Variants in PCDHGB5 observed in about 807,000 individuals in gnomAD.
PCDHGB5 encodes the protein protocadherin gamma subfamily B, 5.
In PCDHGB5, 48 loss-of-function variants were observed where a neutral mutation model predicts 62.9. That is an observed-to-expected ratio of 0.76 (90% CI 0.61 to 0.97). The LOEUF (loss-of-function observed/expected upper bound fraction) is 0.97. PCDHGB5 is among the 50% of genes least tolerant of loss of function. The pLI, the probability that PCDHGB5 is intolerant of heterozygous loss-of-function variation, is 0.00. For missense variants in PCDHGB5, 1,118 were observed against 1,198.6 expected, an observed-to-expected ratio of 0.93 and a Z score of 0.99; for synonymous variants, 474 against 511.2, an observed-to-expected ratio of 0.93 and a Z score of 0.98.
intron 1 of PCDHGB5, among the ~76,000 whole-genome samples, chr5:141,436,713 G>C (rs2097842329): frequency 6.6e-6 from 1 of 152,308 alleles, no homozygotes; most frequent in East Asian, 1.9e-4. Flanking sequence ...TCGATGTTCT[G>C]TTGGGAAAAA....
intron 1 of PCDHGB5, chr5:141,403,465 G>C (rs1268345736): frequency 6.2e-7 from 1 of 1,614,018 alleles, no homozygotes; most frequent in Non-Finnish European, 8.5e-7. Context: ...AGAGCTACCA[G>C]CTCAGCCCCA....
intron 2 of PCDHGB5, among the ~76,000 whole-genome samples, chr5:141,502,124 A>G (rs4912762): frequency 0.55 from 83,213 of 152,012 alleles, 23,486 homozygotes; most frequent in African/African-American, 0.67. Flanking sequence ...CCAGGCCCAC[A>G]GAGCTCAGTC....
chr5:141,434,820 G>A (rs953824837), intron 1 of PCDHGB5, among the ~76,000 whole-genome samples: 1 of 151,302 alleles, frequency 6.6e-6, no homozygotes, highest in Admixed American at 6.6e-5. Flanking sequence ...ATATCCCTTA[G>A]TACACTTGGC....
At chr5:141,418,740 TG>T in intron 1 of PCDHGB5, 1 of 1,613,972 alleles carries the variant, frequency 6.2e-7, no homozygotes, top group Non-Finnish European at 8.5e-7. Context: ...GTGTTCTCTC[TG>T]GATTACACTA....
At chr5:141,401,076 G>T (rs1589429931) in intron 1 of PCDHGB5, among the ~76,000 whole-genome samples, 1 of 152,174 alleles carries the variant, frequency 6.6e-6, no homozygotes, top group Non-Finnish European at 1.5e-5. Context: ...GGGTGCAGTG[G>T]CTCATGCCTG....
At chr5:141,410,319 C>A in intron 1 of PCDHGB5, 2 of 1,614,018 alleles carry the variant, frequency 1.2e-6, no homozygotes, top group Admixed American at 1.7e-5. Flanking sequence ...TTCCTCCTCG[C>A]CGTGATTCTG....
At chr5:141,463,784 T>G (rs2099069378) in intron 1 of PCDHGB5, among the ~76,000 whole-genome samples, 1 of 152,194 alleles carries the variant, frequency 6.6e-6, no homozygotes, top group South Asian at 2.1e-4. Context: ...CTGCACTGTC[T>G]TTTGAACAAA....
intron 1 of PCDHGB5, chr5:141,403,395 C>T (rs758295115): frequency 3.7e-6 from 6 of 1,614,084 alleles, no homozygotes; most frequent in Admixed American, 3.3e-5. Context: ...ATCGCGGTTC[C>T]TGGAGCACGT....
At chr5:141,420,458 CAA>C (rs1269245240) in intron 1 of PCDHGB5, 1 of 925,076 alleles carries the variant, frequency 1.1e-6, no homozygotes, top group Non-Finnish European at 1.5e-6. Context: ...TCCTACTATT[CAA>C]AGACATTTTA....
intron 1 of PCDHGB5, chr5:141,492,079 G>A (rs1400390407): frequency 4.1e-6 from 2 of 486,168 alleles, no homozygotes; most frequent in African/African-American, 2.0e-5. Context: ...CGCCGGCTCC[G>A]GCACGCTTCG....
chr5:141,415,853 G>GTAGTT, intron 1 of PCDHGB5: 1 of 1,186,350 alleles, frequency 8.4e-7, no homozygotes, highest in Non-Finnish European at 1.1e-6. Context: ...GCAGAACCTT[G>GTAGTT]TAGTTTATAG....
chr5:141,423,680 C>T (rs2096766182), intron 1 of PCDHGB5: 1 of 1,479,088 alleles, frequency 6.8e-7, no homozygotes, highest in African/African-American at 1.5e-5. Context: ...ATTTCTCTGC[C>T]TCCTAATTGT....
chr5:141,489,268 G>C lies in PCDHGB5; in HGVS notation c.2398-5539G>C. 6.4e-7 allele frequency: 1 copy of C among 1,553,286 alleles called. No individual in the cohort carries two copies. The highest frequency in any genetic ancestry group is 8.7e-7 in the Non-Finnish European group (1 of 1,149,780). ...GGGGCCCAAGACACTCCCACAGCTC[G>C]CTGGGAAATGGCAAGTGCTGTGCAT... On this transcript the variant is annotated intron_variant, in intron 1 of 3. Transcript: ENST00000617380. The surrounding 1 kb of genome is among the most constrained non-coding windows in gnomAD (Gnocchi z 4.5).
intron 1 of PCDHGB5, chr5:141,428,912 T>C (rs1010303812): frequency 6.6e-6 from 1 of 151,946 alleles, no homozygotes; most frequent in Non-Finnish European, 1.5e-5. Context: ...TGGAGTGCAG[T>C]GGCATGATCT....
chr5:141,410,450 T>G, intron 1 of PCDHGB5: 1 of 1,614,052 alleles, frequency 6.2e-7, no homozygotes, highest in Non-Finnish European at 8.5e-7. Flanking sequence ...GACTTTGCCT[T>G]ATTCTTATAA....
chr5:141,443,288 C>T (rs2098378643), intron 1 of PCDHGB5, among the ~76,000 whole-genome samples: 1 of 150,180 alleles, frequency 6.7e-6, no homozygotes, highest in Non-Finnish European at 1.5e-5. Context: ...TGAGACCAGC[C>T]TGGACAGCAT....
chr5:141,494,428 G>A (rs1476469017), intron 1 of PCDHGB5, among the ~76,000 whole-genome samples: 1 of 152,148 alleles, frequency 6.6e-6, no homozygotes, highest in African/African-American at 2.4e-5. Flanking sequence ...TCATTGAAAA[G>A]CCTCCTTTGC....
chr5:141,437,247 C>T (rs2097870457), intron 1 of PCDHGB5, among the ~76,000 whole-genome samples: 2 of 152,090 alleles, frequency 1.3e-5, no homozygotes, highest in Non-Finnish European at 2.9e-5. Context: ...AAGGACTTTC[C>T]TTGTCTTTTT....
chr5:141,447,389 C>T (rs1467715872), intron 1 of PCDHGB5, among the ~76,000 whole-genome samples: 1 of 152,150 alleles, frequency 6.6e-6, no homozygotes, highest in African/African-American at 2.4e-5. Context: ...CTGCCCACCT[C>T]GGCCTCCCAA....
Sources: gnomAD v4.1 joint callset for allele counts (sites outside exome capture counted in the v4.1 genomes callset) on GRCh38, gnomAD v4.1.1 for gene constraint, Gnocchi (gnomAD v3.1) non-coding constraint, MANE v1.5 for transcripts, NCBI Gene and HGNC (gene_info 2026-07-23, HGNC 2026-07-21) for gene names.